KCNA2: variants seen among roughly 807,000 people sequenced by gnomAD.
KCNA2 encodes the protein potassium channel, voltage gated shaker related subfamily A, member 2.
Under a neutral mutation model 33.4 loss-of-function variants are expected in KCNA2, and 11 were observed. The observed-to-expected ratio is 0.33, with a 90% CI of 0.21 to 0.55. KCNA2 has a LOEUF of 0.55. Among genes scored for constraint, KCNA2 ranks in the 20% least tolerant of loss-of-function variants. The pLI, the probability that KCNA2 is intolerant of heterozygous loss-of-function variation, is 0.93. For missense variants in KCNA2, 291 were observed against 621.6 expected (o/e 0.47, Z 5.66); for synonymous variants, 222 against 231.3 (o/e 0.96, Z 0.37).
At chr1:110,619,278 A>T (rs982837466) in intron 1 of KCNA2, among the ~76,000 whole-genome samples, 1 of 152,094 alleles carries the variant, frequency 6.6e-6, no homozygotes, top group Non-Finnish European at 1.5e-5. Context: ...CTTACACATT[A>T]CTTCCTAGGA....
At position 110,597,084 on chromosome 1, in the gene KCNA2, C is replaced by T. The variant is rs1649128669; in HGVS notation, c.*6199G>A. On this transcript the variant is annotated 3_prime_UTR_variant, in exon 3 of 3. Transcript: ENST00000316361. Reference sequence around the variant, plus strand: ...AGACTTCTACTGAAACCCACAAGAACCTGCTTCCTTCTGCAGCTCTCACGG... The same window carrying T: ...AGACTTCTACTGAAACCCACAAGAATCTGCTTCCTTCTGCAGCTCTCACGG... 2.0e-6 allele frequency: 2 copies of T among 985,466 alleles called. No individual in the cohort carries two copies. Among genetic ancestry groups the T allele is most frequent in the Admixed American group, 6.1e-5 (1 of 16,288 alleles). 61.0% of individuals were successfully genotyped at this position (985,466 alleles called of 1,614,324 possible). A position where few individuals can be genotyped will look rare whatever the true frequency, so the allele number is the denominator to read the frequency against.
intron 1 of KCNA2, among the ~76,000 whole-genome samples, chr1:110,611,487 G>T (rs1384088720): frequency 6.6e-6 from 1 of 152,208 alleles, no homozygotes; most frequent in Non-Finnish European, 1.5e-5. Flanking sequence ...CCAGTAATTT[G>T]GGAGGCTGAG....
intron 1 of KCNA2, among the ~76,000 whole-genome samples, chr1:110,620,061 A>AGAGT (rs1650206229): frequency 7.2e-6 from 1 of 139,634 alleles, no homozygotes; most frequent in Non-Finnish European, 1.5e-5. Flanking sequence ...AGCGAGAGAG[A>AGAGT]GAGAGAGAGA....
In KCNA2 at chr1:110,594,205, G is replaced by A; in HGVS notation, c.*9078C>T. On this transcript the variant is annotated 3_prime_UTR_variant, in exon 3 of 3. Coordinates refer to ENST00000316361, the MANE Select transcript of KCNA2 (RefSeq NM_004974.4). The stretch of plus-strand genomic sequence containing the variant: ...AGGGCAGCTGAAGATTCATGCACAA[G>A]CAGCAAGGAAGCCAGTGCAAACCCT... The A allele has an allele frequency of 8.6e-7, 1 of 1,167,222 alleles. No homozygotes were observed. Among genetic ancestry groups the A allele is most frequent in the Non-Finnish European group, 1.1e-6 (1 of 944,372 alleles). 72.3% of individuals were successfully genotyped at this position (1,167,222 alleles called of 1,614,324 possible).
At chr1:110,611,454 C>G (rs1649870317) in intron 1 of KCNA2, among the ~76,000 whole-genome samples, 1 of 152,190 alleles carries the variant, frequency 6.6e-6, no homozygotes, top group African/African-American at 2.4e-5. Flanking sequence ...TCTTTTATTA[C>G]AAGGTGGCTC....
rs1649112212 is a variant in KCNA2, at chr1:110,596,687, A to G, written c.*6596T>C. 1 of 965,666 alleles carries G rather than the reference A, an allele frequency of 1.0e-6. No homozygotes were observed. The highest frequency in any genetic ancestry group is 1.8e-5 in the African/African-American group (1 of 56,856). The allele number at this position is 965,666 out of a possible 1,614,324, so 59.8% of individuals were successfully genotyped here. A position where few individuals can be genotyped will look rare whatever the true frequency, so the allele number is the denominator to read the frequency against. On this transcript the variant is annotated 3_prime_UTR_variant, in exon 3 of 3. Transcript: ENST00000316361. ...TAAGGCAGGAAAGTTATGCTAACCT[A>G]CTTAGGAAATATTTTTCTCAATAAC...
At chr1:110,628,224 C>T (rs1650451740) in intron 1 of KCNA2, among the ~76,000 whole-genome samples, 1 of 152,106 alleles carries the variant, frequency 6.6e-6, no homozygotes, top group African/African-American at 2.4e-5. Flanking sequence ...GTTCTCCATT[C>T]TGTCCTCCAC....
At position 110,628,890 on chromosome 1, in the gene KCNA2, G is replaced by GAC. The variant is rs137933617; in HGVS notation, c.-496+2503_-496+2504dup. On this transcript the variant is annotated intron_variant, in intron 1 of 4. Coordinates refer to the KCNA2 transcript ENST00000369770. ...TAAATGATTGTTTATTGAATACATG[G>GAC]ACACAGCTTCATAATCCTGTAGATT... Among the ~76,000 whole-genome samples the GAC allele has an allele frequency of 8.7e-3, 1,322 of 152,284 alleles. 19 individuals carry two copies. Among genetic ancestry groups the GAC allele is most frequent in the African/African-American group, 0.03 (1,264 of 41,554 alleles).
At chr1:110,616,694 G>C (rs915975589) in intron 1 of KCNA2, among the ~76,000 whole-genome samples, 2 of 152,214 alleles carry the variant, frequency 1.3e-5, no homozygotes, top group African/African-American at 2.4e-5. Context: ...GTGAGGCTGA[G>C]TGGCTTGCCT....
intron 1 of KCNA2, among the ~76,000 whole-genome samples, chr1:110,615,577 T>C (rs1650022660): frequency 6.6e-6 from 1 of 152,266 alleles, no homozygotes; most frequent in Admixed American, 6.5e-5. Context: ...GTTCCGCTCC[T>C]GATCTTCCTT....
At chr1:110,612,875 C>G (rs1294615954) in intron 1 of KCNA2, among the ~76,000 whole-genome samples, 2 of 152,234 alleles carry the variant, frequency 1.3e-5, no homozygotes, top group African/African-American at 4.8e-5. Flanking sequence ...ACAGACAGGT[C>G]AGGTTAAGAC....
intron 1 of KCNA2, among the ~76,000 whole-genome samples, chr1:110,618,778 C>T (rs1385028985): frequency 7.2e-5 from 11 of 152,042 alleles, no homozygotes; most frequent in Admixed American, 2.6e-4. Context: ...GCCCAAACCC[C>T]GGGACACAGC....
Position 110,598,431 on chromosome 1 carries a change from A to C in KCNA2, c.*4852T>G. 3.0e-6 allele frequency: 3 copies of C among 985,422 alleles called. No individual in the cohort carries two copies. The highest frequency in any genetic ancestry group is 4.7e-5 in the South Asian group (1 of 21,288). The allele number at this position is 985,422 out of a possible 1,614,324, so 61.0% of individuals were successfully genotyped here. On this transcript the variant is annotated 3_prime_UTR_variant, in exon 3 of 3. Coordinates refer to ENST00000316361, the MANE Select transcript of KCNA2 (RefSeq NM_004974.4). ...CCTCTGTGACTCTACTACTGTGGGC[A>C]GTGCTGAATCCCCAGCCTGAGGAGC...
intron 1 of KCNA2, among the ~76,000 whole-genome samples, chr1:110,619,770 A>G (rs1650188056): frequency 6.6e-6 from 1 of 152,194 alleles, no homozygotes. Context: ...CTTAAACCCC[A>G]GCACTTTCAG....
intron 1 of KCNA2, among the ~76,000 whole-genome samples, chr1:110,613,927 C>T (rs537655250): frequency 6.6e-6 from 1 of 152,212 alleles, no homozygotes; most frequent in Non-Finnish European, 1.5e-5. Context: ...TTTAAGCTCT[C>T]CTAAGGACCC....
At position 110,594,152 on chromosome 1, in the gene KCNA2, T is replaced by A; in HGVS notation, c.*9131A>T. The A allele has an allele frequency of 7.4e-7, 1 of 1,343,830 alleles. No individual in the cohort carries two copies. The highest frequency in any genetic ancestry group is 1.8e-5 in the South Asian group (1 of 55,654). 83.2% of individuals were successfully genotyped at this position (1,343,830 alleles called of 1,614,324 possible). A position where few individuals can be genotyped will look rare whatever the true frequency, so the allele number is the denominator to read the frequency against. ...CTTATTTATCTACCTCTTTGAGTTT[T>A]CAGCAATTATTAGAGACAGGACATG... On this transcript the variant is annotated 3_prime_UTR_variant, in exon 3 of 3. Coordinates refer to ENST00000316361, the MANE Select transcript of KCNA2 (RefSeq NM_004974.4).
At chr1:110,608,517 A>T (rs1464291602), upstream of KCNA2, among the ~76,000 whole-genome samples, 1 of 152,108 alleles carries the variant, frequency 6.6e-6, no homozygotes, top group Non-Finnish European at 1.5e-5. Context: ...CTGAAAGCCC[A>T]TGAAGCGGGA....
chr1:110,602,232 A>C lies in KCNA2; in HGVS notation c.*1051T>G, dbSNP rs886863601. The C allele has an allele frequency of 1.0e-5, 16 of 1,537,898 alleles. No individual in the cohort carries two copies. In the African/African-American group the frequency reaches 1.9e-4, roughly 19 times the overall value. ...CAGAAGTTTTAGTTCCATTCCAAAT[A>C]GTCTATTTTTTTTCCCCTGATGGAG... On this transcript the variant is annotated 3_prime_UTR_variant, in exon 3 of 3. Coordinates refer to ENST00000316361, the MANE Select transcript of KCNA2 (RefSeq NM_004974.4).
At chr1:110,619,361 C>T (rs888957303) in intron 1 of KCNA2, among the ~76,000 whole-genome samples, 4 of 152,246 alleles carry the variant, frequency 2.6e-5, no homozygotes, top group African/African-American at 9.6e-5. Flanking sequence ...GTGCCTGGCA[C>T]ATAGGAAGTT....
Sources: gnomAD v4.1 joint callset for allele counts (sites outside exome capture counted in the v4.1 genomes callset) on GRCh38, gnomAD v4.1.1 for gene constraint, MANE v1.5 for transcripts, NCBI Gene and HGNC (gene_info 2026-07-23, HGNC 2026-07-21) for gene names.